Variants in CPNE4 observed in about 807,000 individuals in gnomAD.
The protein encoded by CPNE4 is copine-4.
A neutral mutation model predicts 67.9 loss-of-function variants in CPNE4; 25 were observed. The ratio of observed to expected loss-of-function variants is 0.37; its 90% CI spans 0.27 to 0.51. The LOEUF is 0.51. CPNE4 is among the 20% of genes least tolerant of loss of function. The probability of loss-of-function intolerance (pLI) is 0.93; values close to 1 mark genes in which losing one functional copy is unlikely to be tolerated. For missense variants in CPNE4, 464 were observed against 690.8 expected (o/e 0.67, Z 3.68); for synonymous variants, 242 against 244.9 (o/e 0.99, Z 0.11).
At chr3:131,592,522 T>A (rs190186425) in intron 7 of CPNE4, among the ~76,000 whole-genome samples, 85 of 152,224 alleles carry the variant, frequency 5.6e-4, no homozygotes, top group Admixed American at 1.8e-3. Flanking sequence ...ATTTACAGGC[T>A]TGGAGAGGGA....
Position 131,535,123 on chromosome 3 carries a change from G to A in CPNE4, c.*72C>T. 1 of 1,425,862 alleles carries A rather than the reference G, an allele frequency of 7.0e-7. No homozygotes were observed. Among genetic ancestry groups the A allele is most frequent in the Non-Finnish European group, 9.5e-7 (1 of 1,051,552 alleles). The allele number at this position is 1,425,862 out of a possible 1,614,324, so 88.3% of individuals were successfully genotyped here. A position where few individuals can be genotyped will look rare whatever the true frequency, so the allele number is the denominator to read the frequency against. ...GTTGTTGGTTTTTTAAAGTACAGGA[G>A]TAGTAGAAGTATTAAATATGAAATA... On this transcript the variant is annotated 3_prime_UTR_variant, in exon 16 of 16. Coordinates refer to ENST00000429747, the MANE Select transcript of CPNE4 (RefSeq NM_130808.3).
chr3:131,962,986 G>C (rs760840591), intron 1 of CPNE4, among the ~76,000 whole-genome samples: 1 of 152,108 alleles, frequency 6.6e-6, no homozygotes, highest in African/African-American at 2.4e-5. Context: ...GAACAGTTCC[G>C]GTCTGCAGCT....
At chr3:131,671,616 A>G (rs1402705717) in intron 6 of CPNE4, among the ~76,000 whole-genome samples, 1 of 151,974 alleles carries the variant, frequency 6.6e-6, no homozygotes, top group Non-Finnish European at 1.5e-5. Flanking sequence ...TCCTTGTGAA[A>G]CTCTAGGAGC....
chr3:131,861,440 G>A (rs1490277499), intron 2 of CPNE4, among the ~76,000 whole-genome samples: 1 of 133,512 alleles, frequency 7.5e-6, no homozygotes, highest in Non-Finnish European at 1.7e-5. Flanking sequence ...GTGTGTGTGT[G>A]TGTGTGTGTG....
At chr3:131,537,839 G>A (rs1458650352) in intron 15 of CPNE4, among the ~76,000 whole-genome samples, 1 of 152,156 alleles carries the variant, frequency 6.6e-6, no homozygotes, top group Non-Finnish European at 1.5e-5. Flanking sequence ...CAGCAGCAAT[G>A]AGCCCCTAAC....
upstream of CPNE4, chr3:132,037,640 G>T (rs1211177267): frequency 2.0e-6 from 3 of 1,532,254 alleles, no homozygotes; most frequent in Non-Finnish European, 2.6e-6. Flanking sequence ...AAGCCACAAA[G>T]TCACTGTGGC....
chr3:131,922,282 A>G lies in CPNE4; in HGVS notation c.-1-16838T>C, dbSNP rs555395061. 2.6e-5 allele frequency among the ~76,000 whole-genome samples: 4 copies of G among 152,284 alleles called. 1 individual carries two copies. Among genetic ancestry groups the G allele is most frequent in the African/African-American group, 9.6e-5 (4 of 41,554 alleles). On this transcript the variant is annotated intron_variant, in intron 1 of 15. Coordinates refer to ENST00000429747, the MANE Select transcript of CPNE4 (RefSeq NM_130808.3). ...CTTTTATATGGCTGTGTAGTATTCC[A>G]TGGTGTATATGTACCACACTTTCTT...
At chr3:132,014,628 T>C (rs1358402988) in intron 1 of CPNE4, among the ~76,000 whole-genome samples, 1 of 152,232 alleles carries the variant, frequency 6.6e-6, no homozygotes, top group East Asian at 1.9e-4. Flanking sequence ...CTTTTTAACA[T>C]TGACATTTGG....
At chr3:132,023,490 T>G (rs970159884) in intron 1 of CPNE4, among the ~76,000 whole-genome samples, 2 of 135,798 alleles carry the variant, frequency 1.5e-5, no homozygotes, top group African/African-American at 5.6e-5. Context: ...TTTTTTTTTT[T>G]TTTTTTTTTT....
chr3:132,003,390 C>T (rs1560769162), intron 1 of CPNE4, among the ~76,000 whole-genome samples: 1 of 152,014 alleles, frequency 6.6e-6, no homozygotes, highest in Non-Finnish European at 1.5e-5. Flanking sequence ...TTCCACAAAG[C>T]CCCCACCAGT....
intron 1 of CPNE4, among the ~76,000 whole-genome samples, chr3:131,980,254 A>C (rs2072872362): frequency 6.6e-6 from 1 of 152,262 alleles, no homozygotes; most frequent in African/African-American, 2.4e-5. Context: ...TAGCAAGGCC[A>C]GGGAAGCTTT....
At chr3:131,896,189 A>G (rs1418458069) in intron 2 of CPNE4, among the ~76,000 whole-genome samples, 1 of 152,110 alleles carries the variant, frequency 6.6e-6, no homozygotes, top group Non-Finnish European at 1.5e-5. Flanking sequence ...TAGATTTTGT[A>G]TGTGAAATAT....
intron 7 of CPNE4, among the ~76,000 whole-genome samples, chr3:131,622,912 T>C (rs139942094): frequency 0.018 from 2,731 of 152,276 alleles, 42 homozygotes; most frequent in Non-Finnish European, 0.028. Context: ...ATAGCTTAAG[T>C]TGGGTTTCAT....
chr3:131,850,505 T>A (rs966903312), intron 2 of CPNE4, among the ~76,000 whole-genome samples: 1 of 152,136 alleles, frequency 6.6e-6, no homozygotes, highest in Non-Finnish European at 1.5e-5. Context: ...TGTATGCCAG[T>A]AGAAGATCTC....
At chr3:131,864,313 C>T (rs2086835061) in intron 2 of CPNE4, among the ~76,000 whole-genome samples, 5 of 152,106 alleles carry the variant, frequency 3.3e-5, no homozygotes, top group Admixed American at 1.3e-4. Context: ...GCCATTTTCA[C>T]GATATTGATT....
intron 1 of CPNE4, among the ~76,000 whole-genome samples, chr3:132,020,059 T>C (rs959242089): frequency 1.3e-5 from 2 of 152,204 alleles, no homozygotes; most frequent in African/African-American, 2.4e-5. Flanking sequence ...AATTGCATCA[T>C]GCCAGTGTCA....
At chr3:131,615,935 A>G (rs904677822) in intron 7 of CPNE4, among the ~76,000 whole-genome samples, 8 of 123,522 alleles carry the variant, frequency 6.5e-5, no homozygotes, top group East Asian at 2.3e-4. Context: ...ACACGCACAC[A>G]CACACACACA....
intron 10 of CPNE4, among the ~76,000 whole-genome samples, chr3:131,569,353 G>C (rs1346484522): frequency 6.6e-6 from 1 of 152,004 alleles, no homozygotes; most frequent in Non-Finnish European, 1.5e-5. Context: ...GATTTCCTGA[G>C]ACTGGGTGCG....
chr3:131,563,057 A>C (rs191362717), intron 11 of CPNE4, among the ~76,000 whole-genome samples: 1 of 151,940 alleles, frequency 6.6e-6, no homozygotes, highest in Non-Finnish European at 1.5e-5. Flanking sequence ...CAGGAGATTG[A>C]CTGCACCTTT....
Sources: allele counts gnomAD v4.1 joint callset (sites outside exome capture counted in the v4.1 genomes callset), GRCh38; gene constraint gnomAD v4.1.1; transcripts MANE v1.5; gene names NCBI Gene and HGNC (gene_info 2026-07-23, HGNC 2026-07-21).